The following SHOC2 variants were observed in gnomAD, a reference collection of about 807,000 sequenced individuals.
SHOC2 encodes the protein leucine-rich repeat protein SHOC-2.
Under a neutral mutation model 50.2 loss-of-function variants are expected in SHOC2, and 4 were observed. The ratio of observed to expected loss-of-function variants is 0.08; its 90% CI spans 0.04 to 0.18. The LOEUF (loss-of-function observed/expected upper bound fraction) is 0.18, where lower values mean the gene tolerates loss of function less well. Ranked by LOEUF, SHOC2 falls within the 10% of genes least tolerant of loss-of-function variation. The pLI, the probability that SHOC2 is intolerant of heterozygous loss-of-function variation, is 1.00. For missense variants in SHOC2, 388 were observed against 669.6 expected (o/e 0.58, Z 4.64); for synonymous variants, 218 against 244.5 (o/e 0.89, Z 1.01).
chr10:111,009,609 G>C, intron 7 of SHOC2, 104 bp from the exon 8 acceptor site: 4 of 841,154 alleles, frequency 4.8e-6, no homozygotes, highest in South Asian at 4.5e-5. Flanking sequence ...TATCCAATCT[G>C]GTTTCCCTGT....
intron 4 of SHOC2, among the ~76,000 whole-genome samples, chr10:111,004,031 A>G (rs1372035923): frequency 6.6e-6 from 1 of 152,200 alleles, no homozygotes; most frequent in Admixed American, 6.5e-5. Context: ...ATGGGTACAT[A>G]TATGCCCTCA....
intron 2 of SHOC2, among the ~76,000 whole-genome samples, chr10:110,966,334 GTTCCA>G (rs959753918): frequency 1.3e-5 from 2 of 152,054 alleles, no homozygotes; most frequent in Non-Finnish European, 2.9e-5. Flanking sequence ...GGGTGAAAAT[GTTCCA>G]TTCCATGTCT....
At chr10:110,986,423 C>G (rs959219961) in intron 3 of SHOC2, among the ~76,000 whole-genome samples, 10 of 152,038 alleles carry the variant, frequency 6.6e-5, no homozygotes, top group Admixed American at 1.3e-4. Flanking sequence ...AAAATTACAT[C>G]TCTACTTAAT....
At chr10:110,965,298 A>G (rs1847652056) in intron 2 of SHOC2, among the ~76,000 whole-genome samples, 1 of 152,220 alleles carries the variant, frequency 6.6e-6, no homozygotes. Flanking sequence ...TTTCCCACAC[A>G]AACCTAATCT....
intron 1 of SHOC2, among the ~76,000 whole-genome samples, chr10:110,953,451 T>C (rs907114323): frequency 6.6e-6 from 1 of 152,208 alleles, no homozygotes; most frequent in African/African-American, 2.4e-5. Context: ...CTTTTGTGTC[T>C]TTTTGTGGCT....
chr10:110,942,604 A>G (rs1847169207), intron 1 of SHOC2, among the ~76,000 whole-genome samples: 1 of 152,116 alleles, frequency 6.6e-6, no homozygotes, highest in African/African-American at 2.4e-5. Flanking sequence ...GTTCTCCTCA[A>G]CTGGCTCAGG....
intron 2 of SHOC2, among the ~76,000 whole-genome samples, chr10:110,972,261 T>C (rs1412911281): frequency 6.6e-6 from 1 of 152,050 alleles, no homozygotes; most frequent in East Asian, 1.9e-4. Flanking sequence ...TAACTAAAAT[T>C]GTAACTTGTG....
chr10:110,939,033 C>G (rs761104932), intron 1 of SHOC2, among the ~76,000 whole-genome samples: 1 of 152,030 alleles, frequency 6.6e-6, no homozygotes, highest in African/African-American at 2.4e-5. Context: ...AAAAATTGAT[C>G]TTCTTTGGAA....
At chr10:110,924,796 G>A (rs972104491) in intron 1 of SHOC2, among the ~76,000 whole-genome samples, 2 of 152,078 alleles carry the variant, frequency 1.3e-5, no homozygotes, top group African/African-American at 2.4e-5. Context: ...AAGGCCGGGC[G>A]TGGTGGCTCA....
At position 110,928,418 on chromosome 10, in the gene SHOC2, C is replaced by T. The variant is rs548883215; in HGVS notation, c.-235+8761C>T. ...ACTATTAAAAAAAGTTCACTATTTA[C>T]TTTTTTATTTAGGAAAATATGGTTA... On this transcript the variant is annotated intron_variant, in intron 1 of 8. Transcript: ENST00000369452. Among the ~76,000 whole-genome samples, 21 of 152,098 alleles carry T rather than the reference C, an allele frequency of 1.4e-4. No individual in the cohort carries two copies. In the East Asian group the frequency reaches 3.9e-3, roughly 28 times the overall value.
chr10:110,968,011 C>G (rs1469302841), intron 2 of SHOC2, among the ~76,000 whole-genome samples: 1 of 152,114 alleles, frequency 6.6e-6, no homozygotes, highest in Non-Finnish European at 1.5e-5. Flanking sequence ...CATATGGTAA[C>G]TCTATGTTTA....
intron 3 of SHOC2, among the ~76,000 whole-genome samples, chr10:110,998,952 T>A (rs1158297136): frequency 6.6e-6 from 1 of 152,226 alleles, no homozygotes; most frequent in Non-Finnish European, 1.5e-5. Context: ...TAATGTATGT[T>A]TTCTGTAAGT....
intron 1 of SHOC2, among the ~76,000 whole-genome samples, chr10:110,952,150 T>A (rs1453075654): frequency 6.6e-6 from 1 of 152,220 alleles, no homozygotes; most frequent in African/African-American, 2.4e-5. Context: ...TTTCAGCTTT[T>A]AATAAAGCAG....
chr10:110,958,777 T>G (rs535770476), intron 1 of SHOC2, among the ~76,000 whole-genome samples: 5 of 152,246 alleles, frequency 3.3e-5, no homozygotes, highest in Non-Finnish European at 7.4e-5. Context: ...CTCCACCTGA[T>G]TTAAGCCGGC....
At chr10:110,996,297 G>C (rs1404188169) in intron 3 of SHOC2, among the ~76,000 whole-genome samples, 1 of 152,178 alleles carries the variant, frequency 6.6e-6, no homozygotes, top group Non-Finnish European at 1.5e-5. Context: ...GGGAGGCTGA[G>C]GTGAGTGGAT....
intron 2 of SHOC2, among the ~76,000 whole-genome samples, chr10:110,985,159 C>G (rs982925079): frequency 6.6e-6 from 1 of 152,130 alleles, no homozygotes; most frequent in Non-Finnish European, 1.5e-5. Context: ...TTTTCCATTT[C>G]CATTTATTTC....
In SHOC2 at chr10:111,004,593, AT is replaced by A. The variant is rs730881016; in HGVS notation, c.973-5del. ...CAGTTCTAATTCTTATGTTTATTTC[AT>A]TTTTTTTACAGAGTCTTTTATCAAG... On this transcript the variant is annotated splice_polypyrimidine_tract_variant and intron_variant, in intron 4 of 8. Transcript: ENST00000369452. 8,425 of 1,579,980 alleles carry A rather than the reference AT, an allele frequency of 5.3e-3. 418 individuals carry two copies. The South Asian group carries it at 0.086, about 16-fold the overall frequency.
chr10:110,950,382 C>T (rs1847328244), intron 1 of SHOC2, among the ~76,000 whole-genome samples: 2 of 152,052 alleles, frequency 1.3e-5, no homozygotes, highest in African/African-American at 4.8e-5. Context: ...GAAGAAGACA[C>T]ATAAATGGAA....
intron 3 of SHOC2, among the ~76,000 whole-genome samples, chr10:110,995,037 T>C (rs1208127610): frequency 6.6e-6 from 1 of 152,108 alleles, no homozygotes; most frequent in Non-Finnish European, 1.5e-5. Flanking sequence ...TTTTATAAAA[T>C]AAGAATGGGT....
Sources: gnomAD v4.1 joint callset for allele counts (sites outside exome capture counted in the v4.1 genomes callset) on GRCh38, gnomAD v4.1.1 for gene constraint, MANE v1.5 for transcripts, NCBI Gene and HGNC (gene_info 2026-07-23, HGNC 2026-07-21) for gene names.